Variants in ROBO1 observed in about 807,000 individuals in gnomAD.
ROBO1 encodes roundabout guidance receptor 1, also known as roundabout homolog 1.
Under a neutral mutation model 195.9 loss-of-function variants are expected in ROBO1, and 149 were observed. That is an observed-to-expected ratio of 0.76 (90% CI 0.67 to 0.87). ROBO1 has a LOEUF of 0.87. ROBO1 is among the 40% of genes least tolerant of loss of function. The probability of loss-of-function intolerance (pLI) is 0.00; values close to 1 mark genes in which losing one functional copy is unlikely to be tolerated. For synonymous variants in ROBO1, 816 were observed against 733.2 expected, an observed-to-expected ratio of 1.11 and a Z score of -1.82; for missense variants, 1,933 against 2,068.3, an observed-to-expected ratio of 0.93 and a Z score of 1.27.
At chr3:79,460,295 C>T (rs1937589379) in intron 2 of ROBO1, among the ~76,000 whole-genome samples, 1 of 152,090 alleles carries the variant, frequency 6.6e-6, no homozygotes. Flanking sequence ...TGTAAATATC[C>T]AAATGTGTTT....
intron 1 of ROBO1, among the ~76,000 whole-genome samples, chr3:79,751,450 C>A (rs1704126964): frequency 6.6e-6 from 1 of 152,016 alleles, no homozygotes; most frequent in Non-Finnish European, 1.5e-5. Context: ...ATATCCTCAT[C>A]AAAATTAGGG....
chr3:79,350,480 T>C (rs1250262492), intron 2 of ROBO1, among the ~76,000 whole-genome samples: 2 of 152,178 alleles, frequency 1.3e-5, no homozygotes, highest in Non-Finnish European at 2.9e-5. Context: ...TATAAAAACT[T>C]GTACACAAAT....
At chr3:78,941,181 A>C (rs2040117762) in intron 3 of ROBO1, among the ~76,000 whole-genome samples, 1 of 152,212 alleles carries the variant, frequency 6.6e-6, no homozygotes. Context: ...ATAGTTGTAT[A>C]ATCTGAAACA....
At chr3:78,935,679 A>G (rs1344700894) in intron 4 of ROBO1, among the ~76,000 whole-genome samples, 1 of 152,090 alleles carries the variant, frequency 6.6e-6, no homozygotes, top group East Asian at 1.9e-4. Context: ...TTAGACAAAT[A>G]GTGAGTTTTT....
intron 2 of ROBO1, among the ~76,000 whole-genome samples, chr3:79,273,573 C>T (rs1344105821): frequency 1.3e-5 from 2 of 151,554 alleles, no homozygotes; most frequent in Admixed American, 6.6e-5. Context: ...ATCACCTTCA[C>T]AAAAAGGAAG....
chr3:78,702,983 T>G (rs1247484150), intron 8 of ROBO1, among the ~76,000 whole-genome samples: 1 of 152,228 alleles, frequency 6.6e-6, no homozygotes, highest in Admixed American at 6.5e-5. Flanking sequence ...AAATTCTCTG[T>G]AGGAAGGCCA....
At chr3:79,234,110 A>G (rs1331320449) in intron 2 of ROBO1, among the ~76,000 whole-genome samples, 1 of 152,048 alleles carries the variant, frequency 6.6e-6, no homozygotes, top group African/African-American at 2.4e-5. Flanking sequence ...CTTAGTTTGC[A>G]ATTATTTTCT....
At chr3:78,938,390 C>T in intron 4 of ROBO1, 1 of 495,032 alleles carries the variant, frequency 2.0e-6, no homozygotes, top group Non-Finnish European at 3.6e-6. Context: ...AAATTGTTAA[C>T]CAACTGTGTG....
At chr3:79,243,037 T>C (rs905050166) in intron 2 of ROBO1, among the ~76,000 whole-genome samples, 43 of 133,804 alleles carry the variant, frequency 3.2e-4, no homozygotes, top group African/African-American at 1.1e-3. Context: ...CCTGTGTCCA[T>C]GTGTTCTCAT....
At chr3:78,838,832 A>G (rs2032957835) in intron 4 of ROBO1, among the ~76,000 whole-genome samples, 1 of 152,170 alleles carries the variant, frequency 6.6e-6, no homozygotes, top group Non-Finnish European at 1.5e-5. Flanking sequence ...AGATATGGCC[A>G]AAAAGAGAAG....
intron 1 of ROBO1, among the ~76,000 whole-genome samples, chr3:79,614,178 C>T (rs1194511022): frequency 1.3e-5 from 2 of 152,038 alleles, no homozygotes; most frequent in African/African-American, 4.8e-5. Context: ...AACACTCTAG[C>T]AAACAGCAGC....
At chr3:79,178,839 G>A (rs2081297276) in intron 2 of ROBO1, among the ~76,000 whole-genome samples, 1 of 152,178 alleles carries the variant, frequency 6.6e-6, no homozygotes, top group Non-Finnish European at 1.5e-5. Flanking sequence ...AGCAGAGTTT[G>A]AAATAACGTT....
intron 2 of ROBO1, among the ~76,000 whole-genome samples, chr3:79,399,111 C>T (rs2037264234): frequency 6.6e-6 from 1 of 152,082 alleles, no homozygotes; most frequent in South Asian, 2.1e-4. Flanking sequence ...TAGCAGATTC[C>T]TTGGTCCCTT....
rs552146723 is a variant in ROBO1, at chr3:78,662,061, C to T, written c.2020G>A (p.Gly674Arg). ...TTGTGGAGGTGCAGAACAGCATTTCCCAGCTCTCTCTGGACCTGCTTGTGG... is the reference window on the plus strand; with the variant it reads ...TTGTGGAGGTGCAGAACAGCATTTCTCAGCTCTCTCTGGACCTGCTTGTGG... The part of the protein sequence containing the change: ...VDHKQVQREL[G>R]NAVLHLHNPT... Residue 674 changes from glycine to arginine, a missense_variant, in exon 15 of 31, where the codon GGA (glycine) becomes AGA (arginine). Gly to Arg is a moderately radical substitution (Grantham distance 125, BLOSUM62 -2). Around this residue, in one of 3 missense-constraint regions of ROBO1, gnomAD observed 1,737 missense variants for 1,882.5 expected, o/e 0.92. Transcript: ENST00000464233. The T allele has an allele frequency of 1.3e-5, 20 of 1,590,910 alleles. No homozygotes were observed. Among genetic ancestry groups the T allele is most frequent in the Non-Finnish European group, 1.5e-5 (18 of 1,168,028 alleles).
chr3:79,065,217 T>C (rs1299696957), intron 3 of ROBO1, among the ~76,000 whole-genome samples: 3 of 151,976 alleles, frequency 2.0e-5, no homozygotes, highest in South Asian at 2.1e-4. Context: ...TTAAGAGATA[T>C]AGAAGAGGCA....
At chr3:78,987,537 T>G (rs545445242) in intron 3 of ROBO1, among the ~76,000 whole-genome samples, 1 of 152,304 alleles carries the variant, frequency 6.6e-6, no homozygotes. Flanking sequence ...GGAGGGATAC[T>G]GTTAAAACAT....
At chr3:78,729,003 G>T (rs1412687794) in intron 5 of ROBO1, among the ~76,000 whole-genome samples, 1 of 152,196 alleles carries the variant, frequency 6.6e-6, no homozygotes, top group Non-Finnish European at 1.5e-5. Context: ...TGCAGAAAAA[G>T]CAATTATCCC....
intron 2 of ROBO1, among the ~76,000 whole-genome samples, chr3:79,155,191 C>CT (rs767715767): frequency 1.0e-3 from 151 of 145,094 alleles, no homozygotes; most frequent in Admixed American, 1.5e-3. Flanking sequence ...AAGATCTACC[C>CT]TTTTTTTTTT....
At chr3:79,548,279 T>C (rs1942346822) in intron 2 of ROBO1, among the ~76,000 whole-genome samples, 2 of 152,316 alleles carry the variant, frequency 1.3e-5, no homozygotes, top group South Asian at 4.1e-4. Context: ...TTGATCCTTT[T>C]GGAAAAGTTC....
Sources: allele counts gnomAD v4.1 joint callset (sites outside exome capture counted in the v4.1 genomes callset), GRCh38; gene constraint gnomAD v4.1.1; regional missense constraint gnomAD v4.1.1; transcripts MANE v1.5; gene names NCBI Gene and HGNC (gene_info 2026-07-23, HGNC 2026-07-21).